HDAC9: variants seen among roughly 807,000 people sequenced by gnomAD.
The protein encoded by HDAC9 is histone deacetylase 9.
In HDAC9, 41 loss-of-function variants were observed where a neutral mutation model predicts 139.4. The observed-to-expected ratio is 0.29, with a 90% CI of 0.23 to 0.38. HDAC9 has a LOEUF of 0.38. Ranked by LOEUF, HDAC9 falls within the 10% of genes least tolerant of loss-of-function variation. The pLI, the probability that HDAC9 is intolerant of heterozygous loss-of-function variation, is 1.00. For missense variants in HDAC9, 1,147 were observed against 1,297.0 expected, an observed-to-expected ratio of 0.88 and a Z score of 1.78; for synonymous variants, 517 against 476.2, an observed-to-expected ratio of 1.09 and a Z score of -1.12.
At chr7:18,416,728 A>C (rs1417913022) in intron 1 of HDAC9, among the ~76,000 whole-genome samples, 2 of 152,134 alleles carry the variant, frequency 1.3e-5, no homozygotes, top group African/African-American at 4.8e-5. Context: ...TATCTATAGA[A>C]TTTGTAGTAA....
chr7:18,643,883 G>T (rs1411073284), intron 8 of HDAC9, among the ~76,000 whole-genome samples: 1 of 151,898 alleles, frequency 6.6e-6, no homozygotes, highest in Non-Finnish European at 1.5e-5. Flanking sequence ...TAAGACCTTT[G>T]TAACTCTTAT....
At chr7:18,864,996 G>C (rs979309500) in intron 21 of HDAC9, among the ~76,000 whole-genome samples, 2 of 152,188 alleles carry the variant, frequency 1.3e-5, no homozygotes, top group African/African-American at 4.8e-5. Context: ...AGGCATATTT[G>C]TGAATAGAGT....
intron 1 of HDAC9, among the ~76,000 whole-genome samples, chr7:18,435,044 G>A (rs370507737): frequency 1.7e-5 from 1 of 58,734 alleles, no homozygotes; most frequent in Non-Finnish European, 3.1e-5. Context: ...TATACCCCAT[G>A]AAATACTACA....
rs531959751 is a variant in HDAC9, at chr7:18,802,631, A to G, written c.2322+9179A>G. On this transcript the variant is annotated intron_variant, in intron 17 of 25. Transcript: ENST00000686413. Reference sequence around the variant, plus strand: ...TTGAAGTTTCCACATATCATGATAGATTTTTTTATCTTTATGGAACTGTTA... The same window carrying G: ...TTGAAGTTTCCACATATCATGATAGGTTTTTTTATCTTTATGGAACTGTTA... Among the ~76,000 whole-genome samples the G allele has an allele frequency of 3.3e-5, 5 of 151,616 alleles. No individual in the cohort carries two copies. In the East Asian group the frequency reaches 9.7e-4, roughly 29 times the overall value.
At chr7:18,451,385 G>GTGTGTATATATGTA (rs1331350273) in intron 1 of HDAC9, among the ~76,000 whole-genome samples, 29 of 136,402 alleles carry the variant, frequency 2.1e-4, no homozygotes, top group African/African-American at 7.1e-4. Flanking sequence ...GTGTGTGTGT[G>GTGTGTATATATGTA]TGTGTGTGTG....
chr7:18,963,962 C>T (rs1277545111), intron 24 of HDAC9, among the ~76,000 whole-genome samples: 1 of 152,176 alleles, frequency 6.6e-6, no homozygotes, highest in Non-Finnish European at 1.5e-5. Flanking sequence ...TTCTACGTTT[C>T]AATCTACCTT....
rs187642304 is a variant in HDAC9 at position 18,307,507 on chromosome 7, A to G, written c.-42+16992A>G. Among the ~76,000 whole-genome samples the G allele has an allele frequency of 2.7e-4, 41 of 152,296 alleles. 1 individual carries two copies. The highest frequency in any genetic ancestry group is 1.8e-4 in the Non-Finnish European group (12 of 68,034). Reference sequence around the variant, plus strand: ...TTCTAAAACTAGTTTCTAACATTATAAAATCAAAATTATTGCCTGGTGCCA... The same window carrying G: ...TTCTAAAACTAGTTTCTAACATTATGAAATCAAAATTATTGCCTGGTGCCA... On this transcript the variant is annotated intron_variant, in intron 1 of 3. Transcript: ENST00000413509.
intron 6 of HDAC9, among the ~76,000 whole-genome samples, chr7:18,604,482 C>T (rs1020252354): frequency 4.0e-5 from 6 of 151,858 alleles, no homozygotes; most frequent in South Asian, 2.1e-4. Context: ...TCTTGGCTCA[C>T]TGCAAGCTCT....
rs111533713 is a variant in HDAC9 at position 18,324,614 on chromosome 7, T to C, written c.-42+34099T>C. ...GTCCTCACACCAGCACGGGCAGCAG[T>C]TGGCAGAAATTGCAATGCCTCACTC... On this transcript the variant is annotated intron_variant, in intron 1 of 3. Transcript: ENST00000413509. Among the ~76,000 whole-genome samples, 597 of 152,266 alleles carry C rather than the reference T, an allele frequency of 3.9e-3. 3 individuals carry two copies. The highest frequency in any genetic ancestry group is 0.014 in the African/African-American group (580 of 41,560).
intron 6 of HDAC9, among the ~76,000 whole-genome samples, chr7:18,620,181 C>CA (rs1839830726): frequency 6.6e-6 from 1 of 152,122 alleles, no homozygotes; most frequent in Admixed American, 6.5e-5. Flanking sequence ...AATATGGCTA[C>CA]ACATGCTTCC....
intron 1 of HDAC9, among the ~76,000 whole-genome samples, chr7:18,373,977 T>G (rs1334839136): frequency 1.3e-5 from 2 of 152,136 alleles, no homozygotes; most frequent in Non-Finnish European, 2.9e-5. Flanking sequence ...AATTTATTGA[T>G]ACTGTAAAAA....
chr7:18,960,134 T>A (rs1046813699), intron 24 of HDAC9, among the ~76,000 whole-genome samples: 2 of 152,106 alleles, frequency 1.3e-5, no homozygotes, highest in Admixed American at 6.6e-5. Context: ...TGATTTCCTT[T>A]GTTGCAGGGG....
chr7:18,966,717 C>CAA (rs3214216), intron 24 of HDAC9, among the ~76,000 whole-genome samples: 9 of 151,148 alleles, frequency 6.0e-5, no homozygotes, highest in Admixed American at 1.3e-4. Flanking sequence ...ACAAACAGAC[C>CAA]AAAAAAAAGA....
At chr7:18,271,405 C>A (rs570246159) in intron 2 of HDAC9, among the ~76,000 whole-genome samples, 1 of 152,146 alleles carries the variant, frequency 6.6e-6, no homozygotes. Context: ...TAACTTAGAA[C>A]ATTAGTGGTT....
intron 13 of HDAC9, among the ~76,000 whole-genome samples, chr7:18,733,794 T>A (rs1786625610): frequency 6.6e-6 from 1 of 152,102 alleles, no homozygotes; most frequent in Non-Finnish European, 1.5e-5. Flanking sequence ...GGACACAAGT[T>A]TTTTGTCTGA....
At chr7:18,965,676 T>A (rs923548553) in intron 24 of HDAC9, among the ~76,000 whole-genome samples, 14 of 152,298 alleles carry the variant, frequency 9.2e-5, no homozygotes, top group Admixed American at 5.9e-4. Context: ...TAGCTCAGAG[T>A]TATTTCATGT....
At chr7:18,759,806 G>C (rs761951678) in intron 14 of HDAC9, among the ~76,000 whole-genome samples, 13 of 152,118 alleles carry the variant, frequency 8.5e-5, no homozygotes, top group Non-Finnish European at 1.3e-4. Flanking sequence ...CATTCAGCTA[G>C]AATCAGTGGG....
intron 1 of HDAC9, among the ~76,000 whole-genome samples, chr7:18,380,471 T>G (rs1473597673): frequency 6.6e-6 from 1 of 152,214 alleles, no homozygotes; most frequent in Non-Finnish European, 1.5e-5. Context: ...GCATTACTTG[T>G]TATAAGTTTG....
intron 2 of HDAC9, among the ~76,000 whole-genome samples, chr7:18,263,001 C>G (rs1795777106): frequency 6.6e-6 from 1 of 151,682 alleles, no homozygotes; most frequent in Non-Finnish European, 1.5e-5. Flanking sequence ...TAAATCCTAC[C>G]TTATGAGTAA....
Sources: allele counts gnomAD v4.1 joint callset (sites outside exome capture counted in the v4.1 genomes callset), GRCh38; gene constraint gnomAD v4.1.1; transcripts MANE v1.5; gene names NCBI Gene and HGNC (gene_info 2026-07-23, HGNC 2026-07-21).